Variants in MGAM2 observed in about 807,000 individuals in gnomAD.
MGAM2 encodes probable maltase-glucoamylase 2.
MGAM2 carries 98 observed loss-of-function variants against 96.1 expected under a neutral mutation model. The ratio of observed to expected loss-of-function variants is 1.02; its 90% CI spans 0.87 to 1.21. The LOEUF (loss-of-function observed/expected upper bound fraction) is 1.21, where lower values mean the gene tolerates loss of function less well. Ranked by LOEUF, MGAM2 falls within the 50% of genes most tolerant of loss-of-function variation. The pLI is 0.00. For synonymous variants in MGAM2, 749 were observed against 414.8 expected, an observed-to-expected ratio of 1.81 and a Z score of -9.79; for missense variants, 2,055 against 1,182.4, an observed-to-expected ratio of 1.74 and a Z score of -10.82.
At chr7:142,120,892 A>G (rs766360248) in intron 3 of MGAM2, among the ~76,000 whole-genome samples, 3 of 152,196 alleles carry the variant, frequency 2.0e-5, no homozygotes, top group Non-Finnish European at 4.4e-5. Context: ...GTGCTAAGGA[A>G]CACAGGTTTT....
Position 142,154,004 on chromosome 7 carries a change from G to A in MGAM2, c.1635-14G>A, listed in dbSNP as rs777996031. 30 of 638,098 alleles carry A rather than the reference G, an allele frequency of 4.7e-5. 1 individual carries two copies. Among genetic ancestry groups the A allele is most frequent in the South Asian group, 4.7e-4 (27 of 57,600 alleles). The allele number at this position is 638,098 out of a possible 1,614,324, so 39.5% of individuals were successfully genotyped here. Reference sequence around the variant, plus strand: ...CAGCCCACCTCACACTCCACTGGATGTATTCCTTTCCAGAGCCCTGGAGAC... The same window carrying A: ...CAGCCCACCTCACACTCCACTGGATATATTCCTTTCCAGAGCCCTGGAGAC... On this transcript the variant is annotated splice_polypyrimidine_tract_variant and intron_variant, in intron 15 of 47. Coordinates refer to ENST00000477922, the MANE Select transcript of MGAM2 (RefSeq NM_001293626.2).
chr7:142,115,805 A>C (rs1451337235), intron 1 of MGAM2, among the ~76,000 whole-genome samples: 1 of 152,200 alleles, frequency 6.6e-6, no homozygotes. Context: ...AGATCGTGCC[A>C]TTGCACTCCA....
rs372865830 is a variant in MGAM2 at position 142,174,454 on chromosome 7, T to C, written c.3687+1100T>C. On this transcript the variant is annotated intron_variant, in intron 31 of 47. Transcript: ENST00000477922. Reference sequence around the variant, plus strand: ...GCAATTATGAATGGGAGTTCATTTGTGGTTTGGCTCTAGGCTTGACTGTTG... The same window carrying C: ...GCAATTATGAATGGGAGTTCATTTGCGGTTTGGCTCTAGGCTTGACTGTTG... 4.0e-4 allele frequency among the ~76,000 whole-genome samples: 61 copies of C among 152,224 alleles called. 1 individual carries two copies. The highest frequency in any genetic ancestry group is 1.4e-3 in the African/African-American group (57 of 41,532).
At chr7:142,169,911 G>A (rs1284242996) in intron 26 of MGAM2, among the ~76,000 whole-genome samples, 164 bp from the exon 27 acceptor site, 1 of 152,126 alleles carries the variant, frequency 6.6e-6, no homozygotes, top group African/African-American at 2.4e-5. Context: ...TCTGTATGGG[G>A]CACAGTGGGC....
At chr7:142,210,012 G>A (rs1394694246) in intron 46 of MGAM2, among the ~76,000 whole-genome samples, 6 of 152,186 alleles carry the variant, frequency 3.9e-5, no homozygotes, top group African/African-American at 1.4e-4. Context: ...GAGATACCTG[G>A]TTCATCTCAC....
At chr7:142,184,226 G>A (rs540896951) in intron 33 of MGAM2, among the ~76,000 whole-genome samples, 3 of 152,084 alleles carry the variant, frequency 2.0e-5, no homozygotes, top group African/African-American at 2.4e-5. Context: ...ACCTGCCTCG[G>A]CCTCCCAAAG....
chr7:142,178,323 T>C (rs983581190), intron 32 of MGAM2, among the ~76,000 whole-genome samples: 2 of 152,176 alleles, frequency 1.3e-5, no homozygotes, highest in Non-Finnish European at 2.9e-5. Flanking sequence ...CATTACTCTG[T>C]TGACAGTTTC....
chr7:142,191,491 G>C (rs1445515082), intron 37 of MGAM2, among the ~76,000 whole-genome samples: 3 of 152,024 alleles, frequency 2.0e-5, no homozygotes, highest in Non-Finnish European at 4.4e-5. Context: ...GTGGTTCAAT[G>C]TTATTCTTTC....
At chr7:142,202,357 G>T (rs182002626) in intron 45 of MGAM2, among the ~76,000 whole-genome samples, 1 of 152,286 alleles carries the variant, frequency 6.6e-6, no homozygotes, top group African/African-American at 2.4e-5. Context: ...TACATGTGCA[G>T]GTTTGTTGCA....
chr7:142,152,337 G>T (rs974600459), intron 15 of MGAM2, among the ~76,000 whole-genome samples: 1 of 152,128 alleles, frequency 6.6e-6, no homozygotes, highest in Non-Finnish European at 1.5e-5. Flanking sequence ...TAATAAACCT[G>T]CAGCCAGTGG....
chr7:142,172,140 C>T lies in MGAM2; in HGVS notation c.3394C>T (p.Leu1132=). Residue 1132 remains leucine, a synonymous_variant, in exon 29 of 48, where the codon CTG becomes TTG. Coordinates refer to ENST00000477922, the MANE Select transcript of MGAM2 (RefSeq NM_001293626.2). The part of the protein sequence containing the change: ...SYGVHPYYMA[L]EEDGSAHGVL... The stretch of plus-strand genomic sequence containing the variant: ...TGGTGTCCACCCTTACTACATGGCA[C>T]TGGAGGAGGATGGTAGTGCCCATGG... The T allele has an allele frequency of 2.7e-6, 2 of 735,614 alleles. No homozygotes were observed. Among genetic ancestry groups the T allele is most frequent in the South Asian group, 1.4e-5 (1 of 69,038 alleles). The allele number at this position is 735,614 out of a possible 1,614,324, so 45.6% of individuals were successfully genotyped here.
Position 142,175,718 on chromosome 7 carries a change from C to A in MGAM2, c.3754C>A (p.Gln1252Lys). 1 of 702,852 alleles carries A rather than the reference C, an allele frequency of 1.4e-6. No homozygotes were observed. Among genetic ancestry groups the A allele is most frequent in the Non-Finnish European group, 2.6e-6 (1 of 384,978 alleles). 43.5% of individuals were successfully genotyped at this position (702,852 alleles called of 1,614,324 possible). Residue 1252 changes from glutamine to lysine, a missense_variant, in exon 32 of 48, where the codon CAA becomes AAA. Gln to Lys is a moderately conservative substitution (Grantham distance 53). Coordinates refer to ENST00000477922, the MANE Select transcript of MGAM2 (RefSeq NM_001293626.2). ...GGATTTCACCCTCAGTGCCAACTTT[C>A]AAAACCTCAGTCTTCTGATTGAGCA... Reference protein sequence around the residue: ...KLDFTLSANFQNLSLLIEQMK... With the variant: ...KLDFTLSANFKNLSLLIEQMK...
chr7:142,118,476 G>A (rs990421494), intron 2 of MGAM2, among the ~76,000 whole-genome samples: 1 of 152,146 alleles, frequency 6.6e-6, no homozygotes, highest in Non-Finnish European at 1.5e-5. Context: ...AGGGGCACCT[G>A]CTAATACCCA....
intron 46 of MGAM2, among the ~76,000 whole-genome samples, chr7:142,217,917 C>G (rs773158254): frequency 2.0e-5 from 3 of 152,036 alleles, no homozygotes; most frequent in Non-Finnish European, 4.4e-5. Flanking sequence ...AACCCCGTCT[C>G]TATTAAAAAT....
chr7:142,201,918 G>C (rs1319007302), intron 45 of MGAM2, among the ~76,000 whole-genome samples: 1 of 152,046 alleles, frequency 6.6e-6, no homozygotes, highest in Admixed American at 6.6e-5. Context: ...TCATCAATAA[G>C]TATATTGGTC....
In MGAM2 at chr7:142,157,996, TC is replaced by T; in HGVS notation, c.1984del (p.Leu662Ter). On this transcript the variant is annotated frameshift_variant, in exon 18 of 48. Coordinates refer to ENST00000477922, the MANE Select transcript of MGAM2 (RefSeq NM_001293626.2). LOFTEE classifies it high-confidence loss of function. ...TGCTGCTGAAATCCTCCAGACATTA[TC>T]TGAACATCCGCTACACCTTGCTGCC... ...SLLLKSSRHYLNIRYTLLPYL... is the reference protein window; with the variant it reads ...SLLLKSSRHYXNIRYTLLPYL... The T allele has an allele frequency of 1.4e-6, 1 of 702,990 alleles. No homozygotes were observed. The highest frequency in any genetic ancestry group is 2.6e-6 in the Non-Finnish European group (1 of 384,990). 43.5% of individuals were successfully genotyped at this position (702,990 alleles called of 1,614,324 possible). A position where few individuals can be genotyped will look rare whatever the true frequency, so the allele number is the denominator to read the frequency against.
At chr7:142,191,153 A>G (rs909259750) in intron 37 of MGAM2, among the ~76,000 whole-genome samples, 3 of 151,964 alleles carry the variant, frequency 2.0e-5, no homozygotes, top group African/African-American at 7.3e-5. Context: ...AAATTATTGG[A>G]TCGTAAGAAT....
chr7:142,196,717 T>C lies in MGAM2; in HGVS notation c.4533T>C (p.Cys1511=). The change falls in exon 40 of 48, where the codon TGT becomes TGC. Residue 1511 remains cysteine, a synonymous_variant. Coordinates refer to ENST00000477922, the MANE Select transcript of MGAM2 (RefSeq NM_001293626.2). Reference sequence around the variant, plus strand: ...CTTCTCAGACAGGAGCAGATATCTGTGGGTTCTTTGGAGATGCTGAATATG... The same window carrying C: ...CTTCTCAGACAGGAGCAGATATCTGCGGGTTCTTTGGAGATGCTGAATATG... The part of the protein sequence containing the change: ...FGIPYTGADI[C]GFFGDAEYEM... The C allele has an allele frequency of 1.3e-6, 1 of 788,936 alleles. No homozygotes were observed. The highest frequency in any genetic ancestry group is 2.3e-6 in the Non-Finnish European group (1 of 425,698). The allele number at this position is 788,936 out of a possible 1,614,324, so 48.9% of individuals were successfully genotyped here.
chr7:142,120,823 C>T (rs1210744244), intron 3 of MGAM2, among the ~76,000 whole-genome samples: 1 of 152,060 alleles, frequency 6.6e-6, no homozygotes, highest in East Asian at 1.9e-4. Context: ...GGAACTCAGG[C>T]AAATTGTTAC....
Sources: allele counts gnomAD v4.1 joint callset (sites outside exome capture counted in the v4.1 genomes callset), GRCh38; gene constraint gnomAD v4.1.1; transcripts MANE v1.5; gene names NCBI Gene and HGNC (gene_info 2026-07-23, HGNC 2026-07-21).